LIPI: variants seen among roughly 807,000 people sequenced by gnomAD.
LIPI encodes the protein lipase I.
LIPI carries 59 observed loss-of-function variants against 50.6 expected under a neutral mutation model. The observed-to-expected ratio is 1.16, with a 90% confidence interval of 0.94 to 1.45. The LOEUF (loss-of-function observed/expected upper bound fraction) is 1.45, where lower values mean the gene tolerates loss of function less well. LIPI is among the 40% of genes most tolerant of loss of function. LIPI has a pLI of 0.00. For missense variants in LIPI, 586 were observed against 536.3 expected (o/e 1.09, Z -0.92); for synonymous variants, 203 against 178.2 (o/e 1.14, Z -1.11).
chr21:14,117,335 G>T (rs1384471530), intron 9 of LIPI, among the ~76,000 whole-genome samples: 1 of 151,770 alleles, frequency 6.6e-6, no homozygotes, highest in African/African-American at 2.4e-5. Flanking sequence ...GGGCTGACCT[G>T]CAAGCAGCTC....
At chr21:14,124,181 A>G (rs1027722170) in intron 9 of LIPI, among the ~76,000 whole-genome samples, 3 of 152,148 alleles carry the variant, frequency 2.0e-5, no homozygotes, top group Admixed American at 6.5e-5. Context: ...CCGAAAAACT[A>G]CCACCAAAAT....
At chr21:14,172,052 T>C (rs1027294644) in intron 4 of LIPI, among the ~76,000 whole-genome samples, 19 of 151,772 alleles carry the variant, frequency 1.3e-4, no homozygotes, top group African/African-American at 2.2e-4. Context: ...AAAAAATGGG[T>C]GAAGGACATG....
intron 1 of LIPI, among the ~76,000 whole-genome samples, 200 bp downstream of exon 1, chr21:14,210,600 C>T (rs1568890726): frequency 6.6e-6 from 1 of 151,530 alleles, no homozygotes; most frequent in Non-Finnish European, 1.5e-5. Flanking sequence ...TGCAAAATGT[C>T]AACTTATTAA....
intron 8 of LIPI, among the ~76,000 whole-genome samples, chr21:14,148,281 T>C (rs779107876): frequency 6.6e-6 from 1 of 152,164 alleles, no homozygotes; most frequent in Non-Finnish European, 1.5e-5. Context: ...TATTTTCTAT[T>C]ATATAATATT....
intron 4 of LIPI, among the ~76,000 whole-genome samples, chr21:14,168,274 A>G (rs904804645): frequency 2.0e-5 from 3 of 152,250 alleles, no homozygotes; most frequent in Non-Finnish European, 4.4e-5. Context: ...AATGGAACCA[A>G]GTTGGAAAAC....
intron 9 of LIPI, among the ~76,000 whole-genome samples, chr21:14,138,419 G>C (rs1042910433): frequency 4.6e-5 from 7 of 151,992 alleles, no homozygotes; most frequent in Non-Finnish European, 8.8e-5. Context: ...ATTTTTAAAA[G>C]AATCTGGAAA....
At chr21:14,125,468 A>G (rs1417238868) in intron 9 of LIPI, among the ~76,000 whole-genome samples, 3 of 152,266 alleles carry the variant, frequency 2.0e-5, no homozygotes. Flanking sequence ...TTCATCCAAA[A>G]AGGCAGACGA....
chr21:14,172,960 A>G (rs2018972193), intron 4 of LIPI, among the ~76,000 whole-genome samples: 1 of 152,246 alleles, frequency 6.6e-6, no homozygotes, highest in Non-Finnish European at 1.5e-5. Context: ...ATAAACAAGT[A>G]AATACAGAGT....
At chr21:14,186,323 T>G (rs970768042) in intron 2 of LIPI, among the ~76,000 whole-genome samples, 2 of 152,214 alleles carry the variant, frequency 1.3e-5, no homozygotes, top group East Asian at 3.8e-4. Flanking sequence ...CAGAACAGTA[T>G]GCAAAATGCA....
intron 9 of LIPI, among the ~76,000 whole-genome samples, chr21:14,119,129 T>C (rs2123328943): frequency 6.6e-6 from 1 of 152,312 alleles, no homozygotes; most frequent in East Asian, 1.9e-4. Flanking sequence ...TGCCTTTGAT[T>C]GGGCCCATCT....
chr21:14,170,481 C>A (rs1159819712), intron 4 of LIPI, among the ~76,000 whole-genome samples: 6 of 152,124 alleles, frequency 3.9e-5, no homozygotes, highest in East Asian at 3.8e-4. Context: ...TACTGGCAAA[C>A]CGAATCCAGC....
At chr21:14,111,117 T>G (rs566469365) in intron 9 of LIPI, among the ~76,000 whole-genome samples, 1 of 152,040 alleles carries the variant, frequency 6.6e-6, no homozygotes, top group African/African-American at 2.4e-5. Context: ...GTGGGATTGC[T>G]GAATCATATA....
At chr21:14,181,120 A>G (rs1253924841) in intron 4 of LIPI, among the ~76,000 whole-genome samples, 4 of 152,210 alleles carry the variant, frequency 2.6e-5, no homozygotes, top group Non-Finnish European at 5.9e-5. Flanking sequence ...AATTCATACA[A>G]GCACTCAAAA....
At chr21:14,178,756 G>A (rs1421378605) in intron 4 of LIPI, among the ~76,000 whole-genome samples, 5 of 152,042 alleles carry the variant, frequency 3.3e-5, no homozygotes, top group South Asian at 2.1e-4. Context: ...TCTCATTCAC[G>A]CTGTCTTGCT....
chr21:14,128,847 A>G (rs957871115), intron 9 of LIPI, among the ~76,000 whole-genome samples: 7 of 152,110 alleles, frequency 4.6e-5, no homozygotes, highest in Admixed American at 6.5e-5. Flanking sequence ...TAACTTTCTT[A>G]GTCAACTGTG....
At chr21:14,210,171 G>C (rs1242139364) in intron 1 of LIPI, among the ~76,000 whole-genome samples, 1 of 151,944 alleles carries the variant, frequency 6.6e-6, no homozygotes, top group Non-Finnish European at 1.5e-5. Context: ...CCATAAAGTA[G>C]AACTAATTGT....
chr21:14,182,376 T>C (rs2019303952), intron 3 of LIPI, among the ~76,000 whole-genome samples: 2 of 152,158 alleles, frequency 1.3e-5, no homozygotes, highest in Admixed American at 6.6e-5. Context: ...AAAAAATATA[T>C]TTTAAATTCC....
Position 14,188,354 on chromosome 21 carries a change from G to A in LIPI, c.432+680C>T, listed in dbSNP as rs149409067. On this transcript the variant is annotated intron_variant, in intron 2 of 9. Coordinates refer to ENST00000681601, the MANE Select transcript of LIPI (RefSeq NM_001302998.2). The stretch of plus-strand genomic sequence containing the variant: ...AGGCCAAGGTGGGCAGATCACCTGA[G>A]GTCAGGAGTTCGAGACCAGCCTGGC... Among the ~76,000 whole-genome samples, 113 of 152,134 alleles carry A rather than the reference G, an allele frequency of 7.4e-4. 2 individuals are homozygous for A. The East Asian group carries it at 0.02, about 27-fold the overall frequency.
chr21:14,180,174 C>A (rs986145006), intron 4 of LIPI, among the ~76,000 whole-genome samples: 1 of 152,118 alleles, frequency 6.6e-6, no homozygotes, highest in African/African-American at 2.4e-5. Flanking sequence ...AAGCTCCGCC[C>A]TGGTAACTTG....
Sources: gnomAD v4.1 joint callset for allele counts (sites outside exome capture counted in the v4.1 genomes callset) on GRCh38, gnomAD v4.1.1 for gene constraint, MANE v1.5 for transcripts, NCBI Gene and HGNC (gene_info 2026-07-23, HGNC 2026-07-21) for gene names.